Variants in CNTNAP1 observed in about 807,000 individuals in gnomAD.
The protein encoded by CNTNAP1 is contactin-associated protein 1.
CNTNAP1 carries 80 observed loss-of-function variants against 161.5 expected under a neutral mutation model. The observed-to-expected ratio is 0.50, with a 90% CI of 0.41 to 0.60. The LOEUF is 0.60. Among genes scored for constraint, CNTNAP1 ranks in the 20% least tolerant of loss-of-function variants. The pLI is 0.00. For missense variants in CNTNAP1, 1,464 were observed against 1,854.8 expected, an observed-to-expected ratio of 0.79 and a Z score of 3.87; for synonymous variants, 695 against 733.1, an observed-to-expected ratio of 0.95 and a Z score of 0.84.
Position 42,693,301 on chromosome 17 carries a change from T to G in CNTNAP1, c.2757T>G (p.Ser919=), listed in dbSNP as rs757577304. The G allele has an allele frequency of 3.1e-5, 50 of 1,614,052 alleles. No homozygotes were observed. Among genetic ancestry groups the G allele is most frequent in the Non-Finnish European group, 4.0e-5 (47 of 1,180,010 alleles). The part of the protein sequence containing the change: ...MEYDQPLYVG[S]AELKRRPFVG... ...CCTGTTGCCTACCCTTCCCAGGATC[T>G]GCAGAGCTTAAGAGACGCCCCTTTG... Residue 919 remains serine, a synonymous_variant, in exon 18 of 24, where the codon TCT becomes TCG. Transcript: ENST00000264638.
Position 42,686,041 on chromosome 17 carries a change from G to A in CNTNAP1, c.800G>A (p.Arg267Gln). Reference sequence around the variant, plus strand: ...AATGACCAGCACTGGCACTATGTGCGGGTGGACCGATTTGGCCGCGATGTA... The same window carrying A: ...AATGACCAGCACTGGCACTATGTGCAGGTGGACCGATTTGGCCGCGATGTA... ...VLNDQHWHYVRVDRFGRDVNF... is the reference protein window; with the variant it reads ...VLNDQHWHYVQVDRFGRDVNF... Residue 267 changes from arginine to glutamine, a missense_variant, in exon 6 of 24, where the codon CGG (arginine) becomes CAG (glutamine). Arg to Gln is a conservative substitution (Grantham distance 43, BLOSUM62 1). Coordinates refer to ENST00000264638, the MANE Select transcript of CNTNAP1 (RefSeq NM_003632.3). 1 of 1,614,126 alleles carries A rather than the reference G, an allele frequency of 6.2e-7. No individual in the cohort carries two copies. The highest frequency in any genetic ancestry group is 8.5e-7 in the Non-Finnish European group (1 of 1,180,026).
Position 42,695,806 on chromosome 17 carries a change from C to A in CNTNAP1, c.3278C>A (p.Ala1093Asp), listed in dbSNP as rs1304594342. ...TCCTTCAGCTTCAGCACCAGCTCCG[C>A]CCCTGCTGTCCTGCTCTACGTCAGT... Reference protein sequence around the residue: ...EVSFSFSTSSAPAVLLYVSSF... With the variant: ...EVSFSFSTSSDPAVLLYVSSF... Residue 1093 changes from alanine (A) to aspartate (D), a missense_variant, in exon 19 of 24, where the codon GCC becomes GAC. By Grantham distance (126) the Ala-to-Asp change is moderately radical. Transcript: ENST00000264638. The A allele has an allele frequency of 3.1e-6, 5 of 1,614,100 alleles. No homozygotes were observed. Among genetic ancestry groups the A allele is most frequent in the Non-Finnish European group, 4.2e-6 (5 of 1,180,048 alleles).
At chr17:42,683,977 G>A in intron 2 of CNTNAP1, 55 bp downstream of exon 2, 1 of 1,612,754 alleles carries the variant, frequency 6.2e-7, no homozygotes, top group Non-Finnish European at 8.5e-7. Context: ...GAAGGGTGGG[G>A]GCCTCCGGAG....
chr17:42,694,398 C>T (rs1368124630), intron 18 of CNTNAP1, among the ~76,000 whole-genome samples: 1 of 151,586 alleles, frequency 6.6e-6, no homozygotes, highest in Non-Finnish European at 1.5e-5. Flanking sequence ...TCACGAACTT[C>T]TGACCGCAGG....
At chr17:42,686,481 T>TGTTG (rs1409916027) in intron 6 of CNTNAP1, among the ~76,000 whole-genome samples, 7,085 of 93,904 alleles carry the variant, frequency 0.075, 710 homozygotes, top group African/African-American at 0.23. Flanking sequence ...TTTTTTTTTT[T>TGTTG]TTTTTTTTTT....
In CNTNAP1 at chr17:42,687,536, T is replaced by C. The variant is rs2053032876; in HGVS notation, c.1045-184T>C. ...AGCAGAGTTCCGAGGGCCGACTGGGTTGGGGCCCCCTCCACAGATGGACGA... is the reference window on the plus strand; with the variant it reads ...AGCAGAGTTCCGAGGGCCGACTGGGCTGGGGCCCCCTCCACAGATGGACGA... On this transcript the variant is annotated intron_variant, in intron 7 of 23. Coordinates refer to ENST00000264638, the MANE Select transcript of CNTNAP1 (RefSeq NM_003632.3). The surrounding 1 kb of genome is among the most constrained non-coding windows in gnomAD (Gnocchi z 4.7). The C allele has an allele frequency of 5.4e-6, 4 of 743,284 alleles. No homozygotes were observed. In the South Asian group the frequency reaches 7.6e-5, roughly 14 times the overall value. 46.0% of individuals were successfully genotyped at this position (743,284 alleles called of 1,614,324 possible). A position where few individuals can be genotyped will look rare whatever the true frequency, so the allele number is the denominator to read the frequency against.
intron 23 of CNTNAP1, 63 bp from the exon 24 acceptor site, chr17:42,698,555 G>A (rs1477796279): frequency 3.0e-6 from 4 of 1,324,238 alleles, no homozygotes; most frequent in Non-Finnish European, 4.2e-6. Flanking sequence ...GTGTGTGTGT[G>A]TGTGTGTGTG....
rs778466256 is a variant in CNTNAP1, at chr17:42,687,913, C to CG, written c.1239dup (p.Leu414AlafsTer28). ...GACGGGCTGGGCCACGTGGAGCTGA[C>CG]GCTCAGCGAAGGGCAGGTCAACGTG... On this transcript the variant is annotated frameshift_variant, in exon 8 of 24. Coordinates refer to ENST00000264638, the MANE Select transcript of CNTNAP1 (RefSeq NM_003632.3). LOFTEE classifies it high-confidence loss of function. The surrounding 1 kb of genome is among the most constrained non-coding windows in gnomAD (Gnocchi z 4.7). The CG allele has an allele frequency of 6.2e-7, 1 of 1,614,194 alleles. No individual in the cohort carries two copies. The highest frequency in any genetic ancestry group is 1.7e-5 in the Admixed American group (1 of 60,022).
rs1269511624 is a variant in CNTNAP1, at chr17:42,685,731, A to T, written c.716-226A>T. 6.6e-6 allele frequency among the ~76,000 whole-genome samples: 1 copy of T among 152,176 alleles called. No homozygotes were observed. Among genetic ancestry groups the T allele is most frequent in the Non-Finnish European group, 1.5e-5 (1 of 68,036 alleles). On this transcript the variant is annotated intron_variant, in intron 5 of 23. Transcript: ENST00000264638. This position sits in a 1 kb window ranked among gnomAD's most constrained non-coding sequence, Gnocchi z 5.0. Reference sequence around the variant, plus strand: ...ACATTGTATCTCATTAGCTTTTCATAACACCCGCACATGAAATAGAAGCAG... The same window carrying T: ...ACATTGTATCTCATTAGCTTTTCATTACACCCGCACATGAAATAGAAGCAG...
rs552832424 is a variant in CNTNAP1, at chr17:42,689,131, C to T, written c.1628+84C>T. On this transcript the variant is annotated intron_variant, in intron 10 of 23. Transcript: ENST00000264638. ...AGTAGGAATGGCCTCTTTCAATAAT[C>T]TCCCTTCTCCTTGTCTCTGCTCCTT... is the stretch of plus-strand genomic sequence containing the variant. 5.4e-5 allele frequency: 72 copies of T among 1,341,424 alleles called. 1 individual carries two copies. In the East Asian group the frequency reaches 1.6e-3, roughly 30 times the overall value. 83.1% of individuals were successfully genotyped at this position (1,341,424 alleles called of 1,614,324 possible).
chr17:42,691,945 C>T lies in CNTNAP1; in HGVS notation c.2484C>T (p.Gly828=). ...PSGVFLENMG[G]PYCQWRRPYV... ...GGGTCTTCCTAGAGAATATGGGGGG[C>T]CCTTACTGCCAGTGGCGCCGACCTT... The change falls in exon 16 of 24, where the codon GGC becomes GGT. Residue 828 remains glycine (G), a synonymous_variant. Coordinates refer to ENST00000264638, the MANE Select transcript of CNTNAP1 (RefSeq NM_003632.3). This position sits in a 1 kb window ranked among gnomAD's most constrained non-coding sequence, Gnocchi z 4.3. 2 of 1,614,124 alleles carry T rather than the reference C, an allele frequency of 1.2e-6. No individual in the cohort carries two copies. The highest frequency in any genetic ancestry group is 2.2e-5 in the East Asian group (1 of 44,874).
chr17:42,683,087 G>C (rs1242868470), intron 1 of CNTNAP1, 191 bp downstream of exon 1: 3 of 637,504 alleles, frequency 4.7e-6, no homozygotes, highest in Non-Finnish European at 8.0e-6. Context: ...CGCGCCCGGG[G>C]CTGGGGCTGG....
Position 42,687,606 on chromosome 17 carries a change from C to T in CNTNAP1, c.1045-114C>T, listed in dbSNP as rs567485824. 20 of 1,392,130 alleles carry T rather than the reference C, an allele frequency of 1.4e-5. No homozygotes were observed. The highest frequency in any genetic ancestry group is 8.6e-5 in the African/African-American group (6 of 69,550). 86.2% of individuals were successfully genotyped at this position (1,392,130 alleles called of 1,614,324 possible). A position where few individuals can be genotyped will look rare whatever the true frequency, so the allele number is the denominator to read the frequency against. On this transcript the variant is annotated intron_variant, in intron 7 of 23. Transcript: ENST00000264638. The surrounding 1 kb of genome is among the most constrained non-coding windows in gnomAD (Gnocchi z 4.7). ...ACGTCATGGTTGGAGATCTCACCCC[C>T]GCCAACACCGAAGGAGGGCGGTGAC... is the stretch of plus-strand genomic sequence containing the variant.
In CNTNAP1 at chr17:42,685,636, A is replaced by G. The variant is rs2052996291; in HGVS notation, c.715+216A>G. The stretch of plus-strand genomic sequence containing the variant: ...GTCTCAGCTCTACCACTACACAGAG[A>G]TGTGACCTCGGATGGGGCACTTCCG... On this transcript the variant is annotated intron_variant, in intron 5 of 23. Transcript: ENST00000264638. The surrounding 1 kb of genome is among the most constrained non-coding windows in gnomAD (Gnocchi z 5.0). Among the ~76,000 whole-genome samples the G allele has an allele frequency of 6.6e-6, 1 of 152,226 alleles. No homozygotes were observed. Among genetic ancestry groups the G allele is most frequent in the South Asian group, 2.1e-4 (1 of 4,832 alleles).
At chr17:42,689,744 GT>G in intron 11 of CNTNAP1, 117 bp downstream of exon 11, 1 of 856,168 alleles carries the variant, frequency 1.2e-6, no homozygotes, top group Non-Finnish European at 1.9e-6. Context: ...CTCGCTTTTT[GT>G]TTTTGGTTTT....
chr17:42,683,210 A>C (rs921697576), intron 1 of CNTNAP1: 50 of 514,272 alleles, frequency 9.7e-5, no homozygotes, highest in Non-Finnish European at 1.4e-4. Context: ...CTGGTGACCG[A>C]TACTAGGATT....
chr17:42,698,081 G>T, intron 23 of CNTNAP1, 131 bp downstream of exon 23: 1 of 1,030,814 alleles, frequency 9.7e-7, no homozygotes, highest in Non-Finnish European at 1.5e-6. Flanking sequence ...AAAGGATGAT[G>T]AGACAGGCTA....
At position 42,684,226 on chromosome 17, in the gene CNTNAP1, C is replaced by T. The variant is rs1340140195; in HGVS notation, c.360C>T (p.Asn120=). 6.2e-7 allele frequency: 1 copy of T among 1,610,990 alleles called. No individual in the cohort carries two copies. The highest frequency in any genetic ancestry group is 1.1e-5 in the South Asian group (1 of 90,998). ...CACCGTTCTACCAGCGAGGGCACAA[C>T]TCGGTACTCTGGGCGCCAAGGCGGT... ...SWTPFYQRGH[N]STFFGNVNES... Residue 120 remains asparagine (N), a synonymous_variant, in exon 3 of 24, where the codon AAC becomes AAT. Coordinates refer to ENST00000264638, the MANE Select transcript of CNTNAP1 (RefSeq NM_003632.3).
In CNTNAP1 at chr17:42,682,632, A is replaced by C; in HGVS notation, c.-198A>C. On this transcript the variant is annotated 5_prime_UTR_variant, in exon 1 of 24. Coordinates refer to ENST00000264638, the MANE Select transcript of CNTNAP1 (RefSeq NM_003632.3). ...GAGAGAGAAGAGCGGAGGACCAGGA[A>C]CCAGAGAGAGAGAGAGAGAAAAGAG... is the stretch of plus-strand genomic sequence containing the variant. The C allele has an allele frequency of 5.0e-6, 3 of 597,312 alleles. No individual in the cohort carries two copies. The highest frequency in any genetic ancestry group is 1.9e-5 in the African/African-American group (1 of 52,884). The allele number at this position is 597,312 out of a possible 1,614,324, so 37.0% of individuals were successfully genotyped here. A position where few individuals can be genotyped will look rare whatever the true frequency, so the allele number is the denominator to read the frequency against.
Sources: gnomAD v4.1 joint callset for allele counts (sites outside exome capture counted in the v4.1 genomes callset) on GRCh38, gnomAD v4.1.1 for gene constraint, Gnocchi (gnomAD v3.1) non-coding constraint, MANE v1.5 for transcripts, NCBI Gene and HGNC (gene_info 2026-07-23, HGNC 2026-07-21) for gene names.